CDK14: variants seen among roughly 807,000 people sequenced by gnomAD.
CDK14 encodes cyclin dependent kinase 14, also known as cyclin-dependent kinase 14.
CDK14 carries 34 observed loss-of-function variants against 60.7 expected under a neutral mutation model. The ratio of observed to expected loss-of-function variants is 0.56; its 90% CI spans 0.43 to 0.75. The LOEUF is 0.75. Among genes scored for constraint, CDK14 ranks in the 30% least tolerant of loss-of-function variants. The pLI is 0.00. For missense variants in CDK14, 482 were observed against 564.1 expected (o/e 0.85, Z 1.47); for synonymous variants, 197 against 203.7 (o/e 0.97, Z 0.28).
intron 6 of CDK14, among the ~76,000 whole-genome samples, chr7:90,886,056 G>A (rs1045353470): frequency 2.6e-5 from 4 of 151,916 alleles, no homozygotes; most frequent in Non-Finnish European, 4.4e-5. Flanking sequence ...AATAATTTTT[G>A]GATAAATTTA....
chr7:90,645,510 TTGG>T (rs1251389355), intron 2 of CDK14, among the ~76,000 whole-genome samples: 1 of 152,174 alleles, frequency 6.6e-6, no homozygotes, highest in African/African-American at 2.4e-5. Context: ...AGTGAAGGTG[TTGG>T]TGAAGTTGGT....
At chr7:90,733,710 A>G (rs1012740854) in intron 3 of CDK14, among the ~76,000 whole-genome samples, 4 of 152,172 alleles carry the variant, frequency 2.6e-5, no homozygotes, top group Admixed American at 6.5e-5. Context: ...GTCTTTGCAC[A>G]TGAGATGGGT....
At chr7:90,613,944 T>G (rs1030719681) in intron 2 of CDK14, among the ~76,000 whole-genome samples, 2 of 151,626 alleles carry the variant, frequency 1.3e-5, no homozygotes, top group Admixed American at 1.3e-4. Context: ...CAGAGTTTTC[T>G]CAGGACTGGA....
intron 11 of CDK14, among the ~76,000 whole-genome samples, chr7:91,067,490 G>A (rs1194915002): frequency 6.6e-6 from 1 of 152,194 alleles, no homozygotes; most frequent in African/African-American, 2.4e-5. Flanking sequence ...GTAGTCTCTA[G>A]TGGGGACTCT....
At chr7:90,641,700 A>G (rs1316495449) in intron 2 of CDK14, among the ~76,000 whole-genome samples, 15 of 152,110 alleles carry the variant, frequency 9.9e-5, no homozygotes, top group Admixed American at 7.2e-4. Context: ...ATCAAAGTGG[A>G]TTTTGTTGAG....
chr7:91,110,014 A>C (rs1307550056), intron 12 of CDK14, among the ~76,000 whole-genome samples: 3 of 152,064 alleles, frequency 2.0e-5, no homozygotes, highest in African/African-American at 4.8e-5. Flanking sequence ...TCACAATGGG[A>C]GATTGAGAAC....
intron 4 of CDK14, among the ~76,000 whole-genome samples, chr7:90,762,691 AAGAT>A (rs1290723105): frequency 6.6e-6 from 1 of 152,198 alleles, no homozygotes; most frequent in African/African-American, 2.4e-5. Context: ...CGCAAATTAA[AAGAT>A]AGCTGGAAGG....
chr7:90,999,140 A>G (rs1205768798), intron 10 of CDK14, among the ~76,000 whole-genome samples: 1 of 152,076 alleles, frequency 6.6e-6, no homozygotes. Flanking sequence ...TCCAAATGTC[A>G]TCAACACGTG....
At chr7:90,615,724 A>G (rs1337899607) in intron 2 of CDK14, among the ~76,000 whole-genome samples, 1 of 152,142 alleles carries the variant, frequency 6.6e-6, no homozygotes, top group African/African-American at 2.4e-5. Flanking sequence ...GTCTTGGAGT[A>G]TTAGTTTTTC....
intron 14 of CDK14, among the ~76,000 whole-genome samples, chr7:91,139,301 G>C (rs1800373645): frequency 6.6e-6 from 1 of 151,890 alleles, no homozygotes; most frequent in Non-Finnish European, 1.5e-5. Context: ...AACGGGAAAG[G>C]AAAATGAGAT....
chr7:90,949,539 G>A (rs1794194912), intron 8 of CDK14, among the ~76,000 whole-genome samples: 3 of 151,956 alleles, frequency 2.0e-5, no homozygotes, highest in African/African-American at 7.3e-5. Context: ...GTGCCGTTTA[G>A]GATATATATA....
At chr7:90,690,026 T>A (rs1384567589) in intron 2 of CDK14, among the ~76,000 whole-genome samples, 1 of 152,196 alleles carries the variant, frequency 6.6e-6, no homozygotes, top group African/African-American at 2.4e-5. Context: ...TGCTCAAACT[T>A]ACATTTTAGT....
intron 1 of CDK14, among the ~76,000 whole-genome samples, chr7:90,598,709 T>G (rs969271115): frequency 9.3e-6 from 1 of 107,686 alleles, no homozygotes; most frequent in Non-Finnish European, 2.1e-5. Flanking sequence ...TAAGGATTTT[T>G]TTTTTTTTTT....
chr7:90,729,970 A>G (rs766352543), intron 3 of CDK14, among the ~76,000 whole-genome samples: 8 of 151,986 alleles, frequency 5.3e-5, no homozygotes, highest in African/African-American at 9.7e-5. Context: ...GGATTGCTGC[A>G]CTCGTCAACC....
In CDK14 at chr7:90,917,022, G is replaced by A. The variant is rs1162388169; in HGVS notation, c.703-579G>A. 3.3e-5 allele frequency among the ~76,000 whole-genome samples: 5 copies of A among 152,232 alleles called. No homozygotes were observed. In the South Asian group the frequency reaches 6.2e-4, roughly 19 times the overall value. On this transcript the variant is annotated intron_variant, in intron 7 of 14. Transcript: ENST00000380050. The stretch of plus-strand genomic sequence containing the variant: ...CTTTAAGCAGCAGCCTAATCTATAT[G>A]ACCATATGTGCAAAAGCAGTATAAT...
intron 6 of CDK14, among the ~76,000 whole-genome samples, chr7:90,877,223 A>T (rs1791590964): frequency 6.6e-6 from 1 of 152,234 alleles, no homozygotes; most frequent in African/African-American, 2.4e-5. Flanking sequence ...GAATATATAC[A>T]CTTCATTTTT....
intron 14 of CDK14, among the ~76,000 whole-genome samples, chr7:91,123,593 C>CCACCT (rs1233672827): frequency 1.3e-5 from 2 of 152,036 alleles, no homozygotes; most frequent in Admixed American, 1.3e-4. Context: ...ATTAGTTTCC[C>CCACCT]CACCTCACCT....
intron 14 of CDK14, among the ~76,000 whole-genome samples, chr7:91,118,440 G>C (rs944967936): frequency 2.0e-5 from 3 of 151,900 alleles, no homozygotes; most frequent in African/African-American, 7.3e-5. Flanking sequence ...GTAGTCATAG[G>C]CAAACCATTT....
intron 12 of CDK14, among the ~76,000 whole-genome samples, chr7:91,110,266 A>G (rs1320097199): frequency 6.6e-6 from 1 of 152,176 alleles, no homozygotes; most frequent in African/African-American, 2.4e-5. Context: ...CACAAATGAA[A>G]ATATGATTAT....
Sources: gnomAD v4.1 joint callset for allele counts (sites outside exome capture counted in the v4.1 genomes callset) on GRCh38, gnomAD v4.1.1 for gene constraint, MANE v1.5 for transcripts, NCBI Gene and HGNC (gene_info 2026-07-23, HGNC 2026-07-21) for gene names.